Variants in CHIA observed in about 807,000 individuals in gnomAD.
The protein encoded by CHIA is acidic mammalian chitinase.
CHIA carries 47 observed loss-of-function variants against 53.5 expected under a neutral mutation model. That is an observed-to-expected ratio of 0.88 (90% CI 0.70 to 1.12). CHIA has a LOEUF of 1.12. CHIA is among the 50% of genes most tolerant of loss of function. CHIA has a pLI of 0.00. For synonymous variants in CHIA, 268 were observed against 222.2 expected (o/e 1.21, Z -1.83); for missense variants, 652 against 592.2 (o/e 1.10, Z -1.05).
intron 2 of CHIA, among the ~76,000 whole-genome samples, chr1:111,311,057 A>G (rs920007053): frequency 2.0e-4 from 30 of 152,226 alleles, no homozygotes; most frequent in Non-Finnish European, 1.5e-4. Context: ...GAGACAAGTC[A>G]TACCAAGAAT....
At position 111,312,377 on chromosome 1, in the gene CHIA, T is replaced by C; in HGVS notation, c.243T>C (p.Asn81=). 1.2e-6 allele frequency: 2 copies of C among 1,613,902 alleles called. No individual in the cohort carries two copies. Among genetic ancestry groups the C allele is most frequent in the Non-Finnish European group, 1.7e-6 (2 of 1,179,768 alleles). ...ATGTGACTCTCTACCAAGCTTTCAA[T>C]GGCCTGAAAAATAAGTAGGATGAGG... ...WNDVTLYQAF[N]GLKNKNSQLK... Residue 81 remains asparagine (N), a synonymous_variant, in exon 4 of 12, where the codon AAT becomes AAC. Coordinates refer to ENST00000369740, the MANE Select transcript of CHIA (RefSeq NM_201653.4).
intron 1 of CHIA, among the ~76,000 whole-genome samples, chr1:111,304,915 G>A (rs1648054754): frequency 6.6e-6 from 1 of 151,920 alleles, no homozygotes; most frequent in Non-Finnish European, 1.5e-5. Flanking sequence ...TACTGTTTTG[G>A]TTTCTTGTCT....
At chr1:111,311,633 G>T (rs1648678922) in intron 2 of CHIA, 56 bp from the exon 3 acceptor site, 2 of 1,593,446 alleles carry the variant, frequency 1.3e-6, no homozygotes. Flanking sequence ...TTCAGAATTA[G>T]ATTCTACGGG....
rs1649555402 is a variant in CHIA at position 111,320,305 on chromosome 1, T to G, written c.1270T>G (p.Ser424Ala). 1.2e-6 allele frequency: 2 copies of G among 1,613,948 alleles called. No homozygotes were observed. Among genetic ancestry groups the G allele is most frequent in the Admixed American group, 1.7e-5 (1 of 60,008 alleles). ...CGGGAGTAGCAGCTCTGGAGGCAGC[T>G]CGGGAGGCAGTGGATTCTGTGCTGT... Reference protein sequence around the residue: ...GSGSSSSGGSSGGSGFCAVRA... With the variant: ...GSGSSSSGGSAGGSGFCAVRA... The change falls in exon 12 of 12, where the codon TCG (serine) becomes GCG (alanine). Residue 424 changes from serine (S) to alanine (A), a missense_variant. Physicochemically the swap from Ser to Ala is moderately conservative, Grantham distance 99. Coordinates refer to ENST00000369740, the MANE Select transcript of CHIA (RefSeq NM_201653.4).
chr1:111,293,242 C>T lies in CHIA; in HGVS notation c.-69+2292C>T, dbSNP rs974029512. On this transcript the variant is annotated intron_variant, in intron 1 of 11. Coordinates refer to ENST00000369740, the MANE Select transcript of CHIA (RefSeq NM_201653.4). ...CAATTTTTCCACATCCTTGTTAACA[C>T]TTATTATTTTCTGTTTTTTGATAGT... 3.3e-5 allele frequency among the ~76,000 whole-genome samples: 5 copies of T among 152,236 alleles called. No individual in the cohort carries two copies. The East Asian group carries it at 5.8e-4, about 18-fold the overall frequency.
At chr1:111,297,921 AAAAAC>A (rs1264118319) in intron 1 of CHIA, among the ~76,000 whole-genome samples, 78 of 149,246 alleles carry the variant, frequency 5.2e-4, no homozygotes, top group East Asian at 7.8e-4. Flanking sequence ...AAAAAAAAAA[AAAAAC>A]AAGCAGGGGT....
intron 1 of CHIA, among the ~76,000 whole-genome samples, chr1:111,291,323 A>G (rs1193592066): frequency 1.3e-5 from 2 of 152,218 alleles, no homozygotes; most frequent in Admixed American, 1.3e-4. Context: ...ACGGAATACT[A>G]TGCAGCCATA....
At chr1:111,296,419 C>T (rs1014925008) in intron 1 of CHIA, among the ~76,000 whole-genome samples, 11 of 152,182 alleles carry the variant, frequency 7.2e-5, no homozygotes, top group African/African-American at 2.7e-4. Flanking sequence ...ACTGGTAATA[C>T]CCAGGCAAAC....
At position 111,318,231 on chromosome 1, in the gene CHIA, A is replaced by T. The variant is rs2820090; in HGVS notation, c.729+122A>T. The T allele has an allele frequency of 1.7e-5, 19 of 1,099,280 alleles. No individual in the cohort carries two copies. In the South Asian group the frequency reaches 3.2e-4, roughly 18 times the overall value. 68.1% of individuals were successfully genotyped at this position (1,099,280 alleles called of 1,614,324 possible). On this transcript the variant is annotated intron_variant, in intron 8 of 11. Coordinates refer to ENST00000369740, the MANE Select transcript of CHIA (RefSeq NM_201653.4). ...TCAAATGGGAAATTAGGCTGCCATA[A>T]TTAATTAAATATTCTCATTTAATTT...
At chr1:111,313,470 T>A (rs1648874563) in intron 4 of CHIA, among the ~76,000 whole-genome samples, 1 of 152,194 alleles carries the variant, frequency 6.6e-6, no homozygotes, top group African/African-American at 2.4e-5. Flanking sequence ...TCTTTTCAAG[T>A]CCTTGGCCCA....
chr1:111,307,830 C>T (rs7541787), intron 1 of CHIA, among the ~76,000 whole-genome samples: 87,425 of 151,516 alleles, frequency 0.58, 25,583 homozygotes, highest in East Asian at 0.83. Flanking sequence ...TTAGTAGAGA[C>T]GGGGTTTCAC....
chr1:111,315,461 G>A, intron 6 of CHIA, 26 bp downstream of exon 6: 32 of 1,599,016 alleles, frequency 2.0e-5, no homozygotes, highest in Middle Eastern at 1.7e-4. Context: ...CCAGTCTTTA[G>A]CCCAAAAAGA....
intron 1 of CHIA, among the ~76,000 whole-genome samples, chr1:111,299,803 A>G (rs1647553778): frequency 6.6e-6 from 1 of 152,238 alleles, no homozygotes; most frequent in Admixed American, 6.5e-5. Context: ...CCCTGTTTGC[A>G]AATGACATGA....
chr1:111,320,113 C>A, intron 11 of CHIA, 100 bp from the exon 12 acceptor site: 1 of 1,073,508 alleles, frequency 9.3e-7, no homozygotes, highest in Non-Finnish European at 1.4e-6. Context: ...CAACTGCACC[C>A]CACCTCCACA....
chr1:111,317,557 TA>T, intron 6 of CHIA, 123 bp from the exon 7 acceptor site: 1 of 1,101,350 alleles, frequency 9.1e-7, no homozygotes, highest in Non-Finnish European at 1.3e-6. Context: ...GAGACTAAAG[TA>T]AAATAAAATA....
At chr1:111,299,716 A>G (rs763205374) in intron 1 of CHIA, among the ~76,000 whole-genome samples, 18 of 152,198 alleles carry the variant, frequency 1.2e-4, no homozygotes, top group Non-Finnish European at 2.6e-4. Flanking sequence ...CCTATTCAAC[A>G]TAGTGTTTGA....
intron 6 of CHIA, chr1:111,315,903 T>TCTGAAG (rs771388027): frequency 2.2e-6 from 1 of 449,886 alleles, no homozygotes. Flanking sequence ...ATTGTCAGGC[T>TCTGAAG]AAATATAAGA....
rs537037488 is a variant in CHIA at position 111,298,911 on chromosome 1, C to T, written c.-69+7961C>T. On this transcript the variant is annotated intron_variant, in intron 1 of 11. Coordinates refer to ENST00000369740, the MANE Select transcript of CHIA (RefSeq NM_201653.4). The stretch of plus-strand genomic sequence containing the variant: ...TAAAAAATGATAAAGGGGATATCAC[C>T]ACCGATCCCACAGAAATACAAACTA... Among the ~76,000 whole-genome samples, 3 of 152,176 alleles carry T rather than the reference C, an allele frequency of 2.0e-5. No individual in the cohort carries two copies. The South Asian group carries it at 6.2e-4, about 32-fold the overall frequency.
At chr1:111,297,178 C>T (rs1647232757) in intron 1 of CHIA, among the ~76,000 whole-genome samples, 1 of 152,176 alleles carries the variant, frequency 6.6e-6, no homozygotes, top group Non-Finnish European at 1.5e-5. Flanking sequence ...AGAACTTCCG[C>T]AACCTAGCAA....
Sources: gnomAD v4.1 joint callset for allele counts (sites outside exome capture counted in the v4.1 genomes callset) on GRCh38, gnomAD v4.1.1 for gene constraint, MANE v1.5 for transcripts, NCBI Gene and HGNC (gene_info 2026-07-23, HGNC 2026-07-21) for gene names.